DLGAP2: variants seen among roughly 807,000 people sequenced by gnomAD.
The protein encoded by DLGAP2 is DLG associated protein 2.
A neutral mutation model predicts 100.3 loss-of-function variants in DLGAP2; 26 were observed. That is an observed-to-expected ratio of 0.26 (90% CI 0.19 to 0.36). The LOEUF is 0.36. Ranked by LOEUF, DLGAP2 falls within the 10% of genes least tolerant of loss-of-function variation. The pLI is 1.00. For missense variants in DLGAP2, 1,858 were observed against 1,453.2 expected, an observed-to-expected ratio of 1.28 and a Z score of -4.53; for synonymous variants, 886 against 630.1, an observed-to-expected ratio of 1.41 and a Z score of -6.08.
At position 1,031,091 on chromosome 8, in the gene DLGAP2, G is replaced by A. The variant is rs188470617; in HGVS notation, c.73+123125G>A. On this transcript the variant is annotated intron_variant, in intron 2 of 14. Transcript: ENST00000637795. ...CAGAGCCTGCCTGGCGTCTGCGGGA[G>A]AAGCTTCTCAGCAGGTGCTGGTATT... Among the ~76,000 whole-genome samples, 33 of 152,364 alleles carry A rather than the reference G, an allele frequency of 2.2e-4. No homozygotes were observed. In the East Asian group the frequency reaches 4.2e-3, roughly 20 times the overall value.
chr8:781,468 A>T (rs1374670099), intron 1 of DLGAP2, among the ~76,000 whole-genome samples: 2 of 152,136 alleles, frequency 1.3e-5, no homozygotes, highest in Non-Finnish European at 2.9e-5. Flanking sequence ...CCTGAATGCA[A>T]ATATGAAAGC....
At chr8:1,445,539 G>T (rs543063329) in intron 3 of DLGAP2, among the ~76,000 whole-genome samples, 2 of 151,934 alleles carry the variant, frequency 1.3e-5, no homozygotes, top group Non-Finnish European at 2.9e-5. Flanking sequence ...GAATAGTGCC[G>T]CAATAAACAC....
intron 5 of DLGAP2, among the ~76,000 whole-genome samples, chr8:1,557,376 G>C (rs1802000698): frequency 6.6e-6 from 1 of 152,188 alleles, no homozygotes; most frequent in Admixed American, 6.5e-5. Flanking sequence ...CCCCTGGTGA[G>C]ATGGACGTGC....
chr8:1,275,862 A>AAATATATATAATATATAAATATATAT, intron 3 of DLGAP2, among the ~76,000 whole-genome samples: 1 of 121,190 alleles, frequency 8.3e-6, no homozygotes, highest in Non-Finnish European at 1.6e-5. Context: ...TATAATATAT[A>AAATATATATAATATATAAATATATAT]AATATATATA....
chr8:1,220,201 G>T (rs1047059064), intron 2 of DLGAP2, among the ~76,000 whole-genome samples: 1 of 152,076 alleles, frequency 6.6e-6, no homozygotes, highest in Non-Finnish European at 1.5e-5. Flanking sequence ...TGTGGTGTTA[G>T]CTTATTAATT....
intron 2 of DLGAP2, among the ~76,000 whole-genome samples, chr8:944,894 A>T (rs1375170578): frequency 3.1e-3 from 376 of 123,014 alleles, no homozygotes; most frequent in Middle Eastern, 0.024. Flanking sequence ...TGGCAGCCAA[A>T]CCCTGCAGGT....
At chr8:1,629,671 C>T (rs761357341) in intron 7 of DLGAP2, among the ~76,000 whole-genome samples, 3 of 152,176 alleles carry the variant, frequency 2.0e-5, no homozygotes, top group South Asian at 2.1e-4. Context: ...TGGATATAAC[C>T]TAGTTTACCA....
At chr8:1,046,024 T>C (rs541523643) in intron 2 of DLGAP2, among the ~76,000 whole-genome samples, 5 of 152,242 alleles carry the variant, frequency 3.3e-5, no homozygotes, top group African/African-American at 1.2e-4. Flanking sequence ...GAGAGAATGC[T>C]AGGAATGTGC....
chr8:1,355,687 A>G (rs1026380125), intron 3 of DLGAP2, among the ~76,000 whole-genome samples: 1 of 152,060 alleles, frequency 6.6e-6, no homozygotes, highest in African/African-American at 2.4e-5. Flanking sequence ...TTTAATGAAA[A>G]AATAAAACAA....
chr8:1,512,439 C>A (rs572314193), intron 4 of DLGAP2, among the ~76,000 whole-genome samples: 1 of 152,134 alleles, frequency 6.6e-6, no homozygotes, highest in Non-Finnish European at 1.5e-5. Context: ...GGGTGTCAGC[C>A]GTGGGTGTGG....
chr8:1,431,834 G>T (rs1392072406), intron 3 of DLGAP2, among the ~76,000 whole-genome samples: 2 of 152,128 alleles, frequency 1.3e-5, no homozygotes, highest in Admixed American at 6.6e-5. Flanking sequence ...CCTCCGTGTC[G>T]ATGGCCACCA....
intron 3 of DLGAP2, among the ~76,000 whole-genome samples, chr8:1,367,886 G>C (rs1466109852): frequency 1.3e-5 from 2 of 152,174 alleles, no homozygotes; most frequent in African/African-American, 2.4e-5. Context: ...AGAGAGAAGA[G>C]GGGGCAGAGA....
At chr8:1,632,788 G>A in intron 7 of DLGAP2, 39 bp from the exon 8 acceptor site, 2 of 1,554,992 alleles carry the variant, frequency 1.3e-6, no homozygotes, top group Non-Finnish European at 1.7e-6. Context: ...TGGTGACCCT[G>A]GAGGGCCGGG....
chr8:863,749 G>C (rs1308836962), intron 1 of DLGAP2, among the ~76,000 whole-genome samples: 1 of 152,206 alleles, frequency 6.6e-6, no homozygotes, highest in Non-Finnish European at 1.5e-5. Context: ...GATGTGGAGG[G>C]AGGGGAACTC....
chr8:1,338,681 G>A lies in DLGAP2; in HGVS notation c.106+79798G>A, dbSNP rs566489988. Among the ~76,000 whole-genome samples, 80 of 152,214 alleles carry A rather than the reference G, an allele frequency of 5.3e-4. No homozygotes were observed. The South Asian group carries it at 9.6e-3, about 18-fold the overall frequency. On this transcript the variant is annotated intron_variant, in intron 3 of 14. Coordinates refer to ENST00000637795, the MANE Select transcript of DLGAP2 (RefSeq NM_001346810.2). ...AAAACAAACCAAAAACTAAAGACAC[G>A]ATCTGTACAGTATCAGGAGCATACG...
chr8:1,618,196 T>C (rs922821357), intron 6 of DLGAP2, among the ~76,000 whole-genome samples: 1 of 152,192 alleles, frequency 6.6e-6, no homozygotes, highest in African/African-American at 2.4e-5. Flanking sequence ...TTATATCACA[T>C]GATTGTTTAC....
chr8:815,306 C>T (rs1022334702), intron 1 of DLGAP2, among the ~76,000 whole-genome samples: 5 of 152,260 alleles, frequency 3.3e-5, no homozygotes, highest in East Asian at 1.9e-4. Flanking sequence ...CCTCACTTGG[C>T]GGAGGAGCAG....
chr8:1,516,727 G>C (rs1302446656), intron 4 of DLGAP2, among the ~76,000 whole-genome samples: 1 of 151,928 alleles, frequency 6.6e-6, no homozygotes, highest in Non-Finnish European at 1.5e-5. Context: ...GAAAGAGTGA[G>C]TGACTGAGAA....
chr8:1,104,718 G>A (rs999020615), intron 2 of DLGAP2, among the ~76,000 whole-genome samples: 6 of 152,116 alleles, frequency 3.9e-5, no homozygotes, highest in Admixed American at 1.3e-4. Context: ...TTGGGGTCCC[G>A]GGGCCCAGGG....
Sources: allele counts gnomAD v4.1 joint callset (sites outside exome capture counted in the v4.1 genomes callset), GRCh38; gene constraint gnomAD v4.1.1; transcripts MANE v1.5; gene names NCBI Gene and HGNC (gene_info 2026-07-23, HGNC 2026-07-21).